ARFGAP2: variants seen among roughly 807,000 people sequenced by gnomAD.
The protein encoded by ARFGAP2 is ARF GTPase activating protein 2.
A neutral mutation model predicts 71.9 loss-of-function variants in ARFGAP2; 45 were observed. That is an observed-to-expected ratio of 0.63 (90% CI 0.49 to 0.80). The LOEUF is 0.80. Ranked by LOEUF, ARFGAP2 falls within the 30% of genes least tolerant of loss-of-function variation. ARFGAP2 has a pLI of 0.00. For synonymous variants in ARFGAP2, 248 were observed against 249.2 expected, an observed-to-expected ratio of 1.00 and a Z score of 0.05; for missense variants, 633 against 673.9, an observed-to-expected ratio of 0.94 and a Z score of 0.67.
rs1952642868 is a variant in ARFGAP2, at chr11:47,172,443, A to G, written c.620-110T>C. On this transcript the variant is annotated intron_variant, in intron 7 of 15. Coordinates refer to ENST00000524782, the MANE Select transcript of ARFGAP2 (RefSeq NM_032389.6). ...AGAGCTCCTAAGAACAGCTTCAGGCAAGGGAAGGCAAAGCTGCCACCACCA... is the reference window on the plus strand; with the variant it reads ...AGAGCTCCTAAGAACAGCTTCAGGCGAGGGAAGGCAAAGCTGCCACCACCA... 1.3e-5 allele frequency: 18 copies of G among 1,335,220 alleles called. 1 individual carries two copies. In the South Asian group the frequency reaches 2.2e-4, roughly 16 times the overall value. 82.7% of individuals were successfully genotyped at this position (1,335,220 alleles called of 1,614,324 possible).
Position 47,176,303 on chromosome 11 carries a change from G to T in ARFGAP2, c.191+213C>A, listed in dbSNP as rs1258962854. 6 of 600,796 alleles carry T rather than the reference G, an allele frequency of 1.0e-5. No individual in the cohort carries two copies. In the Admixed American group the frequency reaches 1.8e-4, roughly 18 times the overall value. 37.2% of individuals were successfully genotyped at this position (600,796 alleles called of 1,614,324 possible). On this transcript the variant is annotated intron_variant, in intron 2 of 15. Transcript: ENST00000524782. ...AGTCTCAAGCCTGACCGTCAAAAAA[G>T]AGGAAGTTTTGGCCCAGAGGCGGAG...
Position 47,173,416 on chromosome 11 carries a change from G to A in ARFGAP2, c.619+10C>T, listed in dbSNP as rs1459695555. 1 of 1,553,538 alleles carries A rather than the reference G, an allele frequency of 6.4e-7. No individual in the cohort carries two copies. The highest frequency in any genetic ancestry group is 2.4e-5 in the East Asian group (1 of 41,242). On this transcript the variant is annotated intron_variant, in intron 7 of 15. Coordinates refer to ENST00000524782, the MANE Select transcript of ARFGAP2 (RefSeq NM_032389.6). ...CCAGACACCCCACGCCTGCCCGCTG[G>A]CATACTGACCCAGTGAGGCTTTGGG...
intron 7 of ARFGAP2, chr11:47,173,010 G>A (rs1952661948): frequency 2.8e-6 from 1 of 357,290 alleles, no homozygotes; most frequent in South Asian, 2.2e-5. Flanking sequence ...AGAGTTAAAG[G>A]ACAGGCTGGG....
At chr11:47,172,552 C>A (rs1347716190) in intron 7 of ARFGAP2, among the ~76,000 whole-genome samples, 2 of 152,162 alleles carry the variant, frequency 1.3e-5, no homozygotes, top group Non-Finnish European at 2.9e-5. Flanking sequence ...GGAACCTAGA[C>A]CTGAAGCACC....
Position 47,175,182 on chromosome 11 carries a change from A to T in ARFGAP2, c.396T>A (p.Asp132Glu). 6.2e-7 allele frequency: 1 copy of T among 1,614,158 alleles called. No individual in the cohort carries two copies. ...CCCAGCCCCAAGAACAGGCACTTACATCAGTGCCATGCCTAGCCAGGGCCG... is the reference window on the plus strand; with the variant it reads ...CCCAGCCCCAAGAACAGGCACTTACTTCAGTGCCATGCCTAGCCAGGGCCG... Reference protein sequence around the residue: ...GSAALARHGTDLWIDNMSSAV... With the variant: ...GSAALARHGTELWIDNMSSAV... The change falls in exon 4 of 16, where the codon GAT becomes GAA. Residue 132 changes from aspartate to glutamate, a missense_variant and splice_region_variant. Coordinates refer to ENST00000524782, the MANE Select transcript of ARFGAP2 (RefSeq NM_032389.6).
At chr11:47,175,716 A>C in intron 3 of ARFGAP2, 135 bp downstream of exon 3, 1 of 1,037,406 alleles carries the variant, frequency 9.6e-7, no homozygotes, top group East Asian at 2.5e-5. Flanking sequence ...CGAAGTTTTC[A>C]GAAAATAGCT....
chr11:47,164,431 T>A lies in ARFGAP2; in HGVS notation c.*1051A>T, dbSNP rs1287316021. On this transcript the variant is annotated 3_prime_UTR_variant, in exon 16 of 16. Coordinates refer to ENST00000524782, the MANE Select transcript of ARFGAP2 (RefSeq NM_032389.6). ...GGGCAAGGGGAAGAGTGGTCTGTGT[T>A]GCTTGGGAGCCCAACCTACAACCCA... 1.5e-6 allele frequency: 1 copy of A among 678,306 alleles called. No individual in the cohort carries two copies. Among genetic ancestry groups the A allele is most frequent in the Admixed American group, 3.6e-5 (1 of 27,950 alleles). 42.0% of individuals were successfully genotyped at this position (678,306 alleles called of 1,614,324 possible). A position where few individuals can be genotyped will look rare whatever the true frequency, so the allele number is the denominator to read the frequency against.
At position 47,164,838 on chromosome 11, in the gene ARFGAP2, G is replaced by A. The variant is rs942879319; in HGVS notation, c.*644C>T. On this transcript the variant is annotated 3_prime_UTR_variant, in exon 16 of 16. Transcript: ENST00000524782. ...CAAGTGCTTACTGTAGAAAGGGGTG[G>A]TGAGACGGGAGAACCCAAGGGTCTC... The A allele has an allele frequency of 7.2e-5, 11 of 152,556 alleles. 3 individuals carry two copies. The highest frequency in any genetic ancestry group is 6.5e-5 in the Admixed American group (1 of 15,306). The allele number at this position is 152,556 out of a possible 1,614,324, so 9.5% of individuals were successfully genotyped here. A position where few individuals can be genotyped will look rare whatever the true frequency, so the allele number is the denominator to read the frequency against.
At chr11:47,176,033 T>A in intron 2 of ARFGAP2, 110 bp from the exon 3 acceptor site, 1 of 1,034,238 alleles carries the variant, frequency 9.7e-7, no homozygotes, top group Non-Finnish European at 1.5e-6. Context: ...CAGGAAACAT[T>A]AATCAGCCAT....
chr11:47,176,690 C>T, intron 1 of ARFGAP2, 56 bp from the exon 2 acceptor site: 2 of 1,611,026 alleles, frequency 1.2e-6, no homozygotes, highest in Admixed American at 1.7e-5. Flanking sequence ...AGGCCAGGCA[C>T]CGACACCCCA....
chr11:47,165,132 C>T lies in ARFGAP2; in HGVS notation c.*350G>A, dbSNP rs78645978. The T allele has an allele frequency of 7.1e-5, 22 of 310,954 alleles. No individual in the cohort carries two copies. The highest frequency in any genetic ancestry group is 4.7e-4 in the African/African-American group (22 of 46,682). The allele number at this position is 310,954 out of a possible 1,614,324, so 19.3% of individuals were successfully genotyped here. ...AAAAGCCTTCTACCTTCCGCTTTCC[C>T]TACCTGGGGAAAGTCTGGACCCAGA... is the stretch of plus-strand genomic sequence containing the variant. On this transcript the variant is annotated 3_prime_UTR_variant, in exon 16 of 16. Transcript: ENST00000524782.
intron 2 of ARFGAP2, 84 bp from the exon 3 acceptor site, chr11:47,176,007 G>A: frequency 7.4e-7 from 1 of 1,346,962 alleles, no homozygotes; most frequent in Non-Finnish European, 1.0e-6. Flanking sequence ...CTTGGCCTCA[G>A]GCTGCTGTAG....
chr11:47,172,619 G>A (rs1026796966), intron 7 of ARFGAP2: 59 of 1,315,080 alleles, frequency 4.5e-5, no homozygotes, highest in Non-Finnish European at 5.3e-5. Flanking sequence ...CAAAGACTGC[G>A]AGGCAGGGAG....
intron 2 of ARFGAP2, chr11:47,176,139 G>A (rs947709085): frequency 9.9e-6 from 6 of 604,642 alleles, no homozygotes; most frequent in African/African-American, 5.6e-5. Context: ...TCCGAAAGGA[G>A]GTCACATTCT....
At chr11:47,167,023 TG>T (rs760121628) in intron 12 of ARFGAP2, 137 bp from the exon 13 acceptor site, 3 of 1,170,964 alleles carry the variant, frequency 2.6e-6, no homozygotes, top group Non-Finnish European at 3.6e-6. Flanking sequence ...TCTGTGGCTC[TG>T]GGCCCCTCTC....
chr11:47,166,677 T>C, intron 13 of ARFGAP2, 78 bp from the exon 14 acceptor site: 1 of 1,599,810 alleles, frequency 6.3e-7, no homozygotes, highest in Admixed American at 1.7e-5. Context: ...GCCCTCCTGG[T>C]GCTAAAGCCC....
In ARFGAP2 at chr11:47,165,167, C is replaced by T. The variant is rs575534464; in HGVS notation, c.*315G>A. Reference sequence around the variant, plus strand: ...AAAGTCTGGACCCAGAATAAGCCATCGTGGGGGAACCCCCTTTCCCAGTAT... The same window carrying T: ...AAAGTCTGGACCCAGAATAAGCCATTGTGGGGGAACCCCCTTTCCCAGTAT... On this transcript the variant is annotated 3_prime_UTR_variant, in exon 16 of 16. Coordinates refer to ENST00000524782, the MANE Select transcript of ARFGAP2 (RefSeq NM_032389.6). The T allele has an allele frequency of 1.1e-4, 39 of 363,672 alleles. No homozygotes were observed. Among genetic ancestry groups the T allele is most frequent in the South Asian group, 8.8e-4 (6 of 6,850 alleles). The allele number at this position is 363,672 out of a possible 1,614,324, so 22.5% of individuals were successfully genotyped here.
intron 6 of ARFGAP2, 52 bp from the exon 7 acceptor site, chr11:47,173,534 T>G: frequency 6.6e-7 from 1 of 1,512,940 alleles, no homozygotes. Context: ...TCCTGCAACC[T>G]CCCCTTGAAA....
At chr11:47,171,584 C>T (rs1952601378) in intron 9 of ARFGAP2, 27 bp from the exon 10 acceptor site, 4 of 1,614,020 alleles carry the variant, frequency 2.5e-6, no homozygotes, top group South Asian at 1.1e-5. Flanking sequence ...GTGTCAGTGG[C>T]CACCACCCAT....
Sources: gnomAD v4.1 joint callset for allele counts (sites outside exome capture counted in the v4.1 genomes callset) on GRCh38, gnomAD v4.1.1 for gene constraint, MANE v1.5 for transcripts, NCBI Gene and HGNC (gene_info 2026-07-23, HGNC 2026-07-21) for gene names.